Variants in LRRC4C observed in about 807,000 individuals in gnomAD.
LRRC4C encodes leucine rich repeat containing 4C.
LRRC4C carries 5 observed loss-of-function variants against 33.6 expected under a neutral mutation model. The observed-to-expected ratio is 0.15, with a 90% CI of 0.08 to 0.31. The LOEUF (loss-of-function observed/expected upper bound fraction) is 0.31, where lower values mean the gene tolerates loss of function less well. LRRC4C is among the 10% of genes least tolerant of loss of function. The probability of loss-of-function intolerance (pLI) is 1.00; values close to 1 mark genes in which losing one functional copy is unlikely to be tolerated. For synonymous variants in LRRC4C, 329 were observed against 302.0 expected, an observed-to-expected ratio of 1.09 and a Z score of -0.93; for missense variants, 560 against 796.7, an observed-to-expected ratio of 0.70 and a Z score of 3.58.
At chr11:41,445,098 CG>C (rs1209715143) in intron 1 of LRRC4C, among the ~76,000 whole-genome samples, 2 of 152,214 alleles carry the variant, frequency 1.3e-5, no homozygotes, top group East Asian at 1.9e-4. Flanking sequence ...CCACCACGCC[CG>C]ACATCTAACT....
intron 1 of LRRC4C, among the ~76,000 whole-genome samples, chr11:41,033,477 CG>C (rs1399753371): frequency 1.3e-5 from 2 of 152,016 alleles, no homozygotes; most frequent in Non-Finnish European, 2.9e-5. Flanking sequence ...CCACTTATCC[CG>C]TGATGCTCCC....
intron 3 of LRRC4C, among the ~76,000 whole-genome samples, chr11:40,321,358 G>T (rs1430759664): frequency 5.9e-5 from 9 of 152,124 alleles, no homozygotes; most frequent in Admixed American, 4.6e-4. Context: ...TATCAGATTT[G>T]TTTGCTACTA....
chr11:40,514,798 C>A (rs1006655153), intron 3 of LRRC4C, among the ~76,000 whole-genome samples: 1 of 152,042 alleles, frequency 6.6e-6, no homozygotes, highest in Non-Finnish European at 1.5e-5. Context: ...ATACAATCAT[C>A]TAAAAGTTTG....
intron 5 of LRRC4C, among the ~76,000 whole-genome samples, chr11:40,212,686 G>C (rs2135840506): frequency 6.6e-6 from 1 of 152,254 alleles, no homozygotes; most frequent in South Asian, 2.1e-4. Context: ...AAACAACACA[G>C]CAGACACATG....
At chr11:41,162,358 C>T (rs1944510276) in intron 1 of LRRC4C, among the ~76,000 whole-genome samples, 1 of 152,100 alleles carries the variant, frequency 6.6e-6, no homozygotes, top group South Asian at 2.1e-4. Context: ...GAGTTCAGAA[C>T]CTTGGCAGAG....
At chr11:41,009,970 GAC>G (rs1322127441) in intron 1 of LRRC4C, among the ~76,000 whole-genome samples, 1 of 152,092 alleles carries the variant, frequency 6.6e-6, no homozygotes, top group Non-Finnish European at 1.5e-5. Flanking sequence ...GGGGAATTTT[GAC>G]ACAGAGACAG....
intron 2 of LRRC4C, among the ~76,000 whole-genome samples, chr11:40,822,346 T>C (rs1403392869): frequency 6.6e-6 from 1 of 151,676 alleles, no homozygotes; most frequent in Non-Finnish European, 1.5e-5. Flanking sequence ...TAGGTTTTTT[T>C]TTTTTTATCG....
At chr11:40,247,611 G>T (rs1156919761) in intron 4 of LRRC4C, among the ~76,000 whole-genome samples, 1 of 152,068 alleles carries the variant, frequency 6.6e-6, no homozygotes, top group Non-Finnish European at 1.5e-5. Context: ...CTACACTCCA[G>T]GTCATTGCAC....
intron 1 of LRRC4C, among the ~76,000 whole-genome samples, chr11:41,264,053 A>G (rs1949068454): frequency 6.7e-6 from 1 of 148,762 alleles, no homozygotes; most frequent in African/African-American, 2.4e-5. Context: ...GCAAATGGTT[A>G]CTTTTATAGT....
chr11:41,040,481 T>C (rs1857367891), intron 1 of LRRC4C, among the ~76,000 whole-genome samples: 3 of 152,214 alleles, frequency 2.0e-5, no homozygotes, highest in Non-Finnish European at 4.4e-5. Flanking sequence ...AATCAACGTT[T>C]CACTGAATTA....
At chr11:40,380,819 C>A (rs1948834905) in intron 3 of LRRC4C, among the ~76,000 whole-genome samples, 1 of 152,124 alleles carries the variant, frequency 6.6e-6, no homozygotes, top group Admixed American at 6.5e-5. Flanking sequence ...TTGCTGTGAA[C>A]AGAAAGCATG....
At chr11:40,604,722 G>C (rs7942736) in intron 3 of LRRC4C, among the ~76,000 whole-genome samples, 65,911 of 151,518 alleles carry the variant, frequency 0.44, 15,341 homozygotes, top group Middle Eastern at 0.58. Flanking sequence ...GCTTGACTTC[G>C]AAAAGAATCT....
intron 1 of LRRC4C, among the ~76,000 whole-genome samples, chr11:41,401,068 A>G (rs72896565): frequency 4.0e-4 from 61 of 152,022 alleles, no homozygotes; most frequent in Non-Finnish European, 8.2e-4. Context: ...TATGATAAAG[A>G]GAAGACTGTA....
chr11:40,297,445 G>A (rs1360192907), intron 4 of LRRC4C, among the ~76,000 whole-genome samples: 2 of 152,004 alleles, frequency 1.3e-5, no homozygotes, highest in Admixed American at 1.3e-4. Flanking sequence ...ATACTCAGCA[G>A]GAGTTTACTA....
rs35999139 is a variant in LRRC4C, at chr11:41,445,866, ATG to A, written c.-496+13563_-496+13564del. ...ACAGTGTGTATGAATGAGTGACTGC[ATG>A]TGTGTGTGTGTGTGTGTGTGTGTAC... On this transcript the variant is annotated intron_variant, in intron 1 of 6. Coordinates refer to ENST00000528697, the MANE Select transcript of LRRC4C (RefSeq NM_001258419.2). 2.0e-3 allele frequency among the ~76,000 whole-genome samples: 296 copies of A among 149,672 alleles called. 1 individual carries two copies. The highest frequency in any genetic ancestry group is 3.4e-3 in the Non-Finnish European group (227 of 67,502).
chr11:40,646,888 G>A (rs1942497905), intron 3 of LRRC4C, among the ~76,000 whole-genome samples: 1 of 151,558 alleles, frequency 6.6e-6, no homozygotes, highest in African/African-American at 2.4e-5. Context: ...TTACAGGTGT[G>A]AGCCACTGTG....
At chr11:41,051,316 A>C (rs1483139131) in intron 1 of LRRC4C, among the ~76,000 whole-genome samples, 2 of 152,094 alleles carry the variant, frequency 1.3e-5, no homozygotes, top group African/African-American at 2.4e-5. Context: ...CGATGAATAC[A>C]ATATCAAGTC....
chr11:40,213,491 T>A (rs934819377), intron 5 of LRRC4C, among the ~76,000 whole-genome samples: 11 of 152,160 alleles, frequency 7.2e-5, no homozygotes, highest in Non-Finnish European at 1.6e-4. Flanking sequence ...ATTGAGTAGC[T>A]GAATGATCTT....
chr11:40,125,533 A>G (rs1195944351), intron 6 of LRRC4C, among the ~76,000 whole-genome samples: 1 of 150,462 alleles, frequency 6.6e-6, no homozygotes, highest in Non-Finnish European at 1.5e-5. Flanking sequence ...CTATCCTCAC[A>G]CGTTTATGTT....
Sources: gnomAD v4.1 joint callset for allele counts (sites outside exome capture counted in the v4.1 genomes callset) on GRCh38, gnomAD v4.1.1 for gene constraint, MANE v1.5 for transcripts, NCBI Gene and HGNC (gene_info 2026-07-23, HGNC 2026-07-21) for gene names.